The following PDE6B variants were observed in gnomAD, a reference collection of about 807,000 sequenced individuals.
PDE6B encodes the protein rod cGMP-specific 3',5'-cyclic phosphodiesterase subunit beta.
Under a neutral mutation model 109.0 loss-of-function variants are expected in PDE6B, and 106 were observed. That is an observed-to-expected ratio of 0.97 (90% confidence interval 0.83 to 1.14). PDE6B has a LOEUF of 1.14. Ranked by LOEUF, PDE6B falls within the 50% of genes most tolerant of loss-of-function variation. PDE6B has a pLI of 0.00. For synonymous variants in PDE6B, 490 were observed against 471.3 expected, an observed-to-expected ratio of 1.04 and a Z score of -0.51; for missense variants, 1,193 against 1,155.6, an observed-to-expected ratio of 1.03 and a Z score of -0.47.
Position 667,873 on chromosome 4 carries a change from C to T in PDE6B, c.2370C>T (p.His790=), listed in dbSNP as rs753602004. 10 of 1,613,136 alleles carry T rather than the reference C, an allele frequency of 6.2e-6. No homozygotes were observed. The highest frequency in any genetic ancestry group is 1.3e-5 in the African/African-American group (1 of 74,890). The stretch of plus-strand genomic sequence containing the variant: ...CCCCTCAGGAGTTCTCTCGTTTCCA[C>T]GAAGAGATCCTGCCCATGTTCGACC... ...TFVYKEFSRF[H]EEILPMFDRL... is the part of the protein sequence containing the mutation. Residue 790 remains histidine, a synonymous_variant, in exon 21 of 22, where the codon CAC becomes CAT. Transcript: ENST00000496514.
chr4:639,781 G>A (rs1426301434), intron 3 of PDE6B, among the ~76,000 whole-genome samples: 1 of 152,164 alleles, frequency 6.6e-6, no homozygotes, highest in Non-Finnish European at 1.5e-5. Flanking sequence ...GACCAGCCTG[G>A]GCAACACGGT....
rs1455031350 is a variant in PDE6B at position 666,177 on chromosome 4, T to C, written c.2269-354T>C. Among the ~76,000 whole-genome samples the C allele has an allele frequency of 4.6e-5, 7 of 152,188 alleles. No individual in the cohort carries two copies. The highest frequency in any genetic ancestry group is 1.7e-4 in the African/African-American group (7 of 41,506). ...GCGAGGTCCTGGTCAGCCGAGTGTCTGGGCAGTGCAGCCCAGCCCGGCTCA... is the reference window on the plus strand; with the variant it reads ...GCGAGGTCCTGGTCAGCCGAGTGTCCGGGCAGTGCAGCCCAGCCCGGCTCA... On this transcript the variant is annotated intron_variant, in intron 19 of 21. Coordinates refer to ENST00000496514, the MANE Select transcript of PDE6B (RefSeq NM_000283.4). This position sits in a 1 kb window ranked among gnomAD's most constrained non-coding sequence, Gnocchi z 5.6.
chr4:659,977 TTG>T (rs1309075346), intron 11 of PDE6B, among the ~76,000 whole-genome samples: 1 of 152,042 alleles, frequency 6.6e-6, no homozygotes, highest in Non-Finnish European at 1.5e-5. Context: ...AAGTCCACTG[TTG>T]TGTGTGTTAC....
rs1472206418 is a variant in PDE6B at position 662,768 on chromosome 4, T to C, written c.1832+150T>C. ...ACTGTGGGAGGCCAAGGCGAGGGGA[T>C]TGCTTGAGCCCAGGAGTTCGAGACC... On this transcript the variant is annotated intron_variant, in intron 14 of 21. Transcript: ENST00000496514. The surrounding 1 kb of genome is among the most constrained non-coding windows in gnomAD (Gnocchi z 4.3). 7 of 694,330 alleles carry C rather than the reference T, an allele frequency of 1.0e-5. No homozygotes were observed. The highest frequency in any genetic ancestry group is 1.6e-5 in the Non-Finnish European group (6 of 381,136). The allele number at this position is 694,330 out of a possible 1,614,324, so 43.0% of individuals were successfully genotyped here.
Position 626,327 on chromosome 4 carries a change from G to A in PDE6B, c.468+233G>A, listed in dbSNP as rs1734102353. Among the ~76,000 whole-genome samples, 1 of 152,226 alleles carries A rather than the reference G, an allele frequency of 6.6e-6. No individual in the cohort carries two copies. Among genetic ancestry groups the A allele is most frequent in the South Asian group, 2.1e-4 (1 of 4,836 alleles). On this transcript the variant is annotated intron_variant, in intron 1 of 21. Coordinates refer to ENST00000496514, the MANE Select transcript of PDE6B (RefSeq NM_000283.4). This position sits in a 1 kb window ranked among gnomAD's most constrained non-coding sequence, Gnocchi z 4.6. The stretch of plus-strand genomic sequence containing the variant: ...GCTGACATCGCATGGCCACTGAGTT[G>A]GTTAGACCTGAGTCTAGGAGCCTCG...
intron 3 of PDE6B, chr4:653,467 G>A (rs553769350): frequency 3.2e-5 from 19 of 592,086 alleles, no homozygotes; most frequent in South Asian, 6.1e-5. Flanking sequence ...GCGGCCTGAC[G>A]TGCGGAAACC....
chr4:667,812 A>C (rs1737968400), intron 20 of PDE6B, 44 bp from the exon 21 acceptor site: 1 of 1,598,906 alleles, frequency 6.3e-7, no homozygotes, highest in Non-Finnish European at 8.6e-7. Flanking sequence ...CTCTGGAGAG[A>C]GCAGGCAGGA....
chr4:655,386 T>C lies in PDE6B; in HGVS notation c.992+498T>C. On this transcript the variant is annotated intron_variant, in intron 6 of 21. Transcript: ENST00000496514. The stretch of plus-strand genomic sequence containing the variant: ...GTGGCCCAGTGGCCCTGTGATCCCA[T>C]AAGCCTATTGGGACCCCATCCCCAG... 3 of 287,686 alleles carry C rather than the reference T, an allele frequency of 1.0e-5. No individual in the cohort carries two copies. In the South Asian group the frequency reaches 1.1e-4, roughly 10 times the overall value. 17.8% of individuals were successfully genotyped at this position (287,686 alleles called of 1,614,324 possible). A position where few individuals can be genotyped will look rare whatever the true frequency, so the allele number is the denominator to read the frequency against.
At position 666,730 on chromosome 4, in the gene PDE6B, T is replaced by A; in HGVS notation, c.2352+116T>A. ...GGGCCCGGCGGTGTCCTCACTGGAGTAGGGATGCCAGTGCCAGCTTCGTGC... is the reference window on the plus strand; with the variant it reads ...GGGCCCGGCGGTGTCCTCACTGGAGAAGGGATGCCAGTGCCAGCTTCGTGC... On this transcript the variant is annotated intron_variant, in intron 20 of 21. Coordinates refer to ENST00000496514, the MANE Select transcript of PDE6B (RefSeq NM_000283.4). This position sits in a 1 kb window ranked among gnomAD's most constrained non-coding sequence, Gnocchi z 5.6. 2.7e-6 allele frequency: 2 copies of A among 737,502 alleles called. No individual in the cohort carries two copies. Among genetic ancestry groups the A allele is most frequent in the Non-Finnish European group, 5.0e-6 (2 of 402,366 alleles). The allele number at this position is 737,502 out of a possible 1,614,324, so 45.7% of individuals were successfully genotyped here.
At chr4:667,049 C>T (rs1324721251) in intron 20 of PDE6B, among the ~76,000 whole-genome samples, 1 of 152,210 alleles carries the variant, frequency 6.6e-6, no homozygotes, top group Non-Finnish European at 1.5e-5. Flanking sequence ...CCCACAGGGG[C>T]GTTTGGAACA....
At chr4:655,799 A>T (rs1736154110) in intron 6 of PDE6B, 141 bp from the exon 7 acceptor site, 2 of 720,082 alleles carry the variant, frequency 2.8e-6, no homozygotes, top group Non-Finnish European at 5.0e-6. Flanking sequence ...AGCCCAGACC[A>T]GCCCCTCTGA....
intron 2 of PDE6B, 152 bp downstream of exon 2, chr4:634,981 G>A (rs1289866285): frequency 3.4e-5 from 21 of 621,184 alleles, no homozygotes; most frequent in South Asian, 7.2e-5. Flanking sequence ...CTGCCTGCCC[G>A]CGTGTTCTGT....
At position 653,987 on chromosome 4, in the gene PDE6B, G is replaced by A. The variant is rs756082042; in HGVS notation, c.847G>A (p.Glu283Lys). The A allele has an allele frequency of 1.2e-6, 2 of 1,613,862 alleles. No individual in the cohort carries two copies. The highest frequency in any genetic ancestry group is 1.7e-6 in the Non-Finnish European group (2 of 1,180,040). The change falls in exon 4 of 22, where the codon GAG becomes AAG. Residue 283 changes from glutamate (E) to lysine (K), a missense_variant. Transcript: ENST00000496514. ...YSVGLLDMTK[E>K]KEFFDVWSVL... ...CGTGGGCCTCCTGGACATGACCAAG[G>A]AGAAGGTGAGGCTTCCGTGGCTCAG...
chr4:669,963 A>G, intron 21 of PDE6B, 83 bp from the exon 22 acceptor site: 1 of 1,130,396 alleles, frequency 8.8e-7, no homozygotes. Context: ...AGGGGTTGGT[A>G]GAGGTCACAC....
In PDE6B at chr4:670,738, A is replaced by G. The variant is rs1184434188; in HGVS notation, c.*631A>G. ...AGGCCGTTTCTCATCCAGTTTAGGA[A>G]AACACACATGCTCAGGAATTCAGAA... On this transcript the variant is annotated 3_prime_UTR_variant, in exon 22 of 22. Coordinates refer to ENST00000496514, the MANE Select transcript of PDE6B (RefSeq NM_000283.4). 1 of 153,042 alleles carries G rather than the reference A, an allele frequency of 6.5e-6. No individual in the cohort carries two copies. Among genetic ancestry groups the G allele is most frequent in the African/African-American group, 2.4e-5 (1 of 41,454 alleles). The allele number at this position is 153,042 out of a possible 1,614,324, so 9.5% of individuals were successfully genotyped here. A position where few individuals can be genotyped will look rare whatever the true frequency, so the allele number is the denominator to read the frequency against.
chr4:656,057 G>A lies in PDE6B; in HGVS notation c.1059+51G>A, dbSNP rs187600546. The A allele has an allele frequency of 3.4e-3, 4,094 of 1,212,128 alleles. 17 individuals carry two copies. Among genetic ancestry groups the A allele is most frequent in the Non-Finnish European group, 4.4e-3 (3,627 of 815,614 alleles). The allele number at this position is 1,212,128 out of a possible 1,614,324, so 75.1% of individuals were successfully genotyped here. On this transcript the variant is annotated intron_variant, in intron 7 of 21. Transcript: ENST00000496514. ...CCACAGCCTTGCCCTCACTGGGTGC[G>A]GCGATGTGTGCTTCTCCTTGTCTCT...
At chr4:657,218 C>G (rs1488849639) in intron 9 of PDE6B, 133 bp from the exon 10 acceptor site, 21 of 1,191,998 alleles carry the variant, frequency 1.8e-5, no homozygotes, top group Non-Finnish European at 2.4e-5. Context: ...CGGGAGACCC[C>G]ACACAGAAGC....
intron 7 of PDE6B, 57 bp downstream of exon 7, chr4:656,063 G>A (rs1736198799): frequency 4.2e-6 from 5 of 1,181,540 alleles, no homozygotes; most frequent in East Asian, 2.3e-5. Flanking sequence ...GTGCGGCGAT[G>A]TGTGCTTCTC....
In PDE6B at chr4:667,005, C is replaced by T. The variant is rs543975214; in HGVS notation, c.2352+391C>T. ...GTTCCATGTTTGTGAACCCTCGAGG[C>T]GGGGCTGGGTCGGCCTGTCTGCTGG... On this transcript the variant is annotated intron_variant, in intron 20 of 21. Coordinates refer to ENST00000496514, the MANE Select transcript of PDE6B (RefSeq NM_000283.4). Among the ~76,000 whole-genome samples the T allele has an allele frequency of 2.0e-3, 298 of 152,290 alleles. 3 individuals carry two copies. Among genetic ancestry groups the T allele is most frequent in the African/African-American group, 6.7e-3 (279 of 41,572 alleles).
Sources: allele counts gnomAD v4.1 joint callset (sites outside exome capture counted in the v4.1 genomes callset), GRCh38; gene constraint gnomAD v4.1.1; non-coding constraint Gnocchi (gnomAD v3.1); transcripts MANE v1.5; gene names NCBI Gene and HGNC (gene_info 2026-07-23, HGNC 2026-07-21).